The following SEMA6D variants were observed in gnomAD, a reference collection of about 807,000 sequenced individuals.
SEMA6D encodes semaphorin 6D.
A neutral mutation model predicts 106.6 loss-of-function variants in SEMA6D; 35 were observed. That is an observed-to-expected ratio of 0.33 (90% CI 0.25 to 0.44). SEMA6D has a LOEUF of 0.44. SEMA6D is among the 20% of genes least tolerant of loss of function. The pLI is 1.00. For synonymous variants in SEMA6D, 499 were observed against 487.7 expected (o/e 1.02, Z -0.31); for missense variants, 1,185 against 1,345.9 (o/e 0.88, Z 1.87).
chr15:47,323,919 A>G (rs550128757), intron 1 of SEMA6D, among the ~76,000 whole-genome samples: 29 of 152,136 alleles, frequency 1.9e-4, no homozygotes, highest in Non-Finnish European at 3.7e-4. Context: ...GTCAAAAGGA[A>G]TAGGCATGAG....
intron 2 of SEMA6D, among the ~76,000 whole-genome samples, chr15:47,453,343 C>G (rs751992935): frequency 6.6e-6 from 1 of 151,264 alleles, no homozygotes; most frequent in African/African-American, 2.4e-5. Context: ...CAATTTCTAT[C>G]GCTTAAAGAA....
chr15:47,706,589 C>A (rs887405098), intron 4 of SEMA6D, among the ~76,000 whole-genome samples: 1 of 152,134 alleles, frequency 6.6e-6, no homozygotes, highest in Admixed American at 6.5e-5. Flanking sequence ...CTACAGTTCG[C>A]AAATTGAAAC....
chr15:47,578,648 T>C (rs768320903), intron 3 of SEMA6D, among the ~76,000 whole-genome samples: 2 of 151,976 alleles, frequency 1.3e-5, no homozygotes, highest in Non-Finnish European at 2.9e-5. Flanking sequence ...AACAGAAAAA[T>C]ATATGCCACC....
chr15:47,365,924 A>AGAGAGG (rs745578391), intron 1 of SEMA6D, among the ~76,000 whole-genome samples: 3 of 143,200 alleles, frequency 2.1e-5, no homozygotes, highest in African/African-American at 7.8e-5. Flanking sequence ...AGAGAGAGAG[A>AGAGAGG]AAAGAAAGAA....
intron 4 of SEMA6D, among the ~76,000 whole-genome samples, chr15:47,644,923 CATAA>C (rs1411418125): frequency 6.6e-6 from 1 of 152,116 alleles, no homozygotes; most frequent in Non-Finnish European, 1.5e-5. Flanking sequence ...AGTGAAGCTT[CATAA>C]CATTAGGACA....
At chr15:47,476,395 T>G (rs180837818) in intron 3 of SEMA6D, among the ~76,000 whole-genome samples, 12 of 152,318 alleles carry the variant, frequency 7.9e-5, no homozygotes, top group African/African-American at 2.9e-4. Context: ...GTACTCATTT[T>G]ATGTGTGTGA....
chr15:47,701,520 C>T lies in SEMA6D; in HGVS notation c.-54-58225C>T, dbSNP rs114257330. 7.0e-3 allele frequency among the ~76,000 whole-genome samples: 1,061 copies of T among 152,214 alleles called. 12 individuals are homozygous for T. The highest frequency in any genetic ancestry group is 0.025 in the African/African-American group (1,026 of 41,534). ...TAAAAAAGTGGATTTTAAGTTTTCT[C>T]ACCACCAAAAAATGGTAATTACATG... On this transcript the variant is annotated intron_variant, in intron 4 of 19. Transcript: ENST00000558014.
chr15:47,227,451 C>CTTTCT (rs1377161721), intron 1 of SEMA6D, among the ~76,000 whole-genome samples: 1,288 of 125,592 alleles, frequency 0.01, 29 homozygotes, highest in Non-Finnish European at 0.01. Context: ...TCTTTCTTTT[C>CTTTCT]TTTCTTTTCT....
intron 4 of SEMA6D, among the ~76,000 whole-genome samples, chr15:47,649,995 T>A (rs1461878397): frequency 6.6e-6 from 1 of 152,202 alleles, no homozygotes; most frequent in Admixed American, 6.5e-5. Context: ...ATTTGGAAGC[T>A]GGATTATTGG....
intron 1 of SEMA6D, among the ~76,000 whole-genome samples, chr15:47,305,206 A>G (rs1245884286): frequency 6.6e-6 from 1 of 152,080 alleles, no homozygotes; most frequent in Non-Finnish European, 1.5e-5. Context: ...AATTTGGCCA[A>G]CTGACTTAGA....
intron 2 of SEMA6D, chr15:47,470,333 A>G (rs1006563724): frequency 6.6e-6 from 1 of 151,858 alleles, no homozygotes; most frequent in Non-Finnish European, 1.5e-5. Context: ...TTGAAGGCCT[A>G]GAATTGCTTA....
intron 3 of SEMA6D, among the ~76,000 whole-genome samples, chr15:47,577,003 T>C (rs1002318473): frequency 6.6e-6 from 1 of 152,248 alleles, no homozygotes; most frequent in East Asian, 1.9e-4. Context: ...AGAAGAAACC[T>C]GCTGTCAGCA....
intron 1 of SEMA6D, among the ~76,000 whole-genome samples, chr15:47,271,684 T>C (rs905438799): frequency 1.3e-5 from 2 of 152,120 alleles, no homozygotes; most frequent in African/African-American, 4.8e-5. Flanking sequence ...TCAGTTGTTT[T>C]AGAGCCCCCC....
intron 2 of SEMA6D, among the ~76,000 whole-genome samples, chr15:47,466,889 G>A (rs1654510087): frequency 6.8e-6 from 1 of 146,226 alleles, no homozygotes; most frequent in Non-Finnish European, 1.5e-5. Flanking sequence ...ACCACGCCTG[G>A]CTTTTTTTTT....
chr15:47,759,777 C>A lies in SEMA6D; in HGVS notation c.-22C>A. 1.1e-5 allele frequency: 17 copies of A among 1,584,886 alleles called. No individual in the cohort carries two copies. The highest frequency in any genetic ancestry group is 1.5e-5 in the Non-Finnish European group (17 of 1,153,500). On this transcript the variant is annotated 5_prime_UTR_variant, in exon 2 of 19. Transcript: ENST00000536845. The stretch of plus-strand genomic sequence containing the variant: ...AGTGGCATTTCTGAGCAGGGGCCAC[C>A]CTGACTTCACCTTGGCCCACCATGA...
intron 3 of SEMA6D, among the ~76,000 whole-genome samples, chr15:47,477,282 A>G (rs578203124): frequency 6.6e-6 from 1 of 152,238 alleles, no homozygotes; most frequent in African/African-American, 2.4e-5. Context: ...AGAGTATGCA[A>G]TGAGGAACAC....
chr15:47,349,863 A>T (rs2038246055), intron 1 of SEMA6D, among the ~76,000 whole-genome samples: 2 of 152,210 alleles, frequency 1.3e-5, no homozygotes, highest in South Asian at 2.1e-4. Flanking sequence ...CATCCATGGA[A>T]GATGAAATAA....
intron 4 of SEMA6D, among the ~76,000 whole-genome samples, chr15:47,673,183 G>T (rs1211359000): frequency 1.3e-5 from 2 of 151,996 alleles, no homozygotes; most frequent in Non-Finnish European, 2.9e-5. Context: ...AGGGAAAAAA[G>T]AACTAAATTA....
intron 4 of SEMA6D, among the ~76,000 whole-genome samples, chr15:47,708,732 A>T (rs2078960813): frequency 6.6e-6 from 1 of 152,214 alleles, no homozygotes; most frequent in African/African-American, 2.4e-5. Flanking sequence ...ATGTTAATAA[A>T]GTTACATGGT....
Sources: gnomAD v4.1 joint callset for allele counts (sites outside exome capture counted in the v4.1 genomes callset) on GRCh38, gnomAD v4.1.1 for gene constraint, MANE v1.5 for transcripts, NCBI Gene and HGNC (gene_info 2026-07-23, HGNC 2026-07-21) for gene names.